Variants in CDH12 observed in about 807,000 individuals in gnomAD.
CDH12 encodes the protein cadherin-12.
Under a neutral mutation model 74.1 loss-of-function variants are expected in CDH12, and 41 were observed. That is an observed-to-expected ratio of 0.55 (90% CI 0.43 to 0.72). The LOEUF is 0.72. Ranked by LOEUF, CDH12 falls within the 30% of genes least tolerant of loss-of-function variation. The probability of loss-of-function intolerance (pLI) is 0.00; values close to 1 mark genes in which losing one functional copy is unlikely to be tolerated. For missense variants in CDH12, 945 were observed against 977.2 expected, an observed-to-expected ratio of 0.97 and a Z score of 0.44; for synonymous variants, 399 against 355.0, an observed-to-expected ratio of 1.12 and a Z score of -1.39.
chr5:22,384,551 A>G (rs1232595182), intron 3 of CDH12, among the ~76,000 whole-genome samples: 1 of 150,966 alleles, frequency 6.6e-6, no homozygotes, highest in Admixed American at 6.6e-5. Context: ...GAAAAAGAAA[A>G]AGAAAAGAAA....
chr5:22,290,667 G>A (rs184721567), intron 3 of CDH12, among the ~76,000 whole-genome samples: 1 of 152,216 alleles, frequency 6.6e-6, no homozygotes, highest in East Asian at 1.9e-4. Flanking sequence ...CACCAAAAGA[G>A]CAAATGATTG....
chr5:22,352,724 C>G lies in CDH12; in HGVS notation c.-333+52533G>C, dbSNP rs980711486. On this transcript the variant is annotated intron_variant, in intron 3 of 14. Transcript: ENST00000382254. ...TAATAGAAACACTGGAGGTGGAGCT[C>G]TCTTTGAAATAGTTAAGTGATCTGC... Among the ~76,000 whole-genome samples, 3 of 152,184 alleles carry G rather than the reference C, an allele frequency of 2.0e-5. 1 individual carries two copies. In the South Asian group the frequency reaches 6.2e-4, roughly 31 times the overall value.
chr5:22,741,480 TTTG>T (rs893199203), intron 1 of CDH12, among the ~76,000 whole-genome samples: 35 of 152,142 alleles, frequency 2.3e-4, no homozygotes, highest in Non-Finnish European at 3.7e-4. Context: ...AATGGTAAGT[TTTG>T]TTGTTGTTGT....
chr5:21,947,955 AG>A (rs1291005789), intron 6 of CDH12, among the ~76,000 whole-genome samples: 1 of 152,224 alleles, frequency 6.6e-6, no homozygotes, highest in Non-Finnish European at 1.5e-5. Context: ...GTTGATTCAG[AG>A]GGTGCAAGCC....
intron 10 of CDH12, among the ~76,000 whole-genome samples, chr5:21,793,517 C>T (rs1746618120): frequency 6.6e-6 from 1 of 151,510 alleles, no homozygotes; most frequent in South Asian, 2.1e-4. Flanking sequence ...TTTGAGAGAG[C>T]TTCATTATAA....
chr5:22,520,039 T>C (rs1192068548), intron 1 of CDH12, among the ~76,000 whole-genome samples: 1 of 152,076 alleles, frequency 6.6e-6, no homozygotes, highest in Non-Finnish European at 1.5e-5. Context: ...GAAAAAGCTA[T>C]AACCAAAGGA....
intron 1 of CDH12, among the ~76,000 whole-genome samples, chr5:22,745,815 G>A (rs911111147): frequency 1.3e-5 from 2 of 152,034 alleles, no homozygotes; most frequent in African/African-American, 4.8e-5. Flanking sequence ...TAATGGGTAC[G>A]AGGCTTAATA....
chr5:22,435,736 A>G (rs1392200154), intron 2 of CDH12, among the ~76,000 whole-genome samples: 1 of 151,894 alleles, frequency 6.6e-6, no homozygotes, highest in Non-Finnish European at 1.5e-5. Flanking sequence ...ACTTTCCTAA[A>G]CTGCTCCTAA....
At chr5:22,646,179 T>C (rs1331523693) in intron 1 of CDH12, among the ~76,000 whole-genome samples, 4 of 151,876 alleles carry the variant, frequency 2.6e-5, no homozygotes, top group Non-Finnish European at 5.9e-5. Context: ...GACTCATTGA[T>C]AATAAGAAAA....
intron 1 of CDH12, among the ~76,000 whole-genome samples, chr5:22,556,318 T>C (rs1179666100): frequency 1.3e-5 from 2 of 152,012 alleles, no homozygotes; most frequent in African/African-American, 4.8e-5. Context: ...AAGTGCAAAA[T>C]ATGTGTTAAA....
At chr5:22,231,908 T>G (rs981113735) in intron 3 of CDH12, among the ~76,000 whole-genome samples, 1 of 151,934 alleles carries the variant, frequency 6.6e-6, no homozygotes, top group African/African-American at 2.4e-5. Flanking sequence ...ATAAAGAATT[T>G]ACATTGTGCA....
At chr5:22,659,970 C>G (rs960800873) in intron 1 of CDH12, among the ~76,000 whole-genome samples, 2 of 151,966 alleles carry the variant, frequency 1.3e-5, no homozygotes, top group Non-Finnish European at 2.9e-5. Flanking sequence ...TATGTTCAAT[C>G]ATGTTCTTAT....
chr5:22,443,327 G>A (rs1377748965), intron 2 of CDH12, among the ~76,000 whole-genome samples: 1 of 152,086 alleles, frequency 6.6e-6, no homozygotes, highest in East Asian at 1.9e-4. Context: ...TTAGTAATTG[G>A]TAGCTGATTT....
At position 22,516,032 on chromosome 5, in the gene CDH12, A is replaced by T. The variant is rs77782915; in HGVS notation, c.-522-10668T>A. On this transcript the variant is annotated intron_variant, in intron 1 of 14. Coordinates refer to ENST00000382254, the MANE Select transcript of CDH12 (RefSeq NM_004061.5). ...AACTCATTAAACTGTTATTTAAAAAATAACATACACATGACTTAAACCCCA... is the reference window on the plus strand; with the variant it reads ...AACTCATTAAACTGTTATTTAAAAATTAACATACACATGACTTAAACCCCA... Among the ~76,000 whole-genome samples the T allele has an allele frequency of 8.8e-3, 1,342 of 152,248 alleles. 16 individuals carry two copies. Among genetic ancestry groups the T allele is most frequent in the African/African-American group, 0.03 (1,266 of 41,554 alleles).
In CDH12 at chr5:22,279,035, T is replaced by C. The variant is rs1282965305; in HGVS notation, c.-332-66392A>G. Among the ~76,000 whole-genome samples the C allele has an allele frequency of 8.5e-5, 13 of 152,232 alleles. No homozygotes were observed. In the East Asian group the frequency reaches 2.5e-3, roughly 29 times the overall value. On this transcript the variant is annotated intron_variant, in intron 3 of 14. Coordinates refer to ENST00000382254, the MANE Select transcript of CDH12 (RefSeq NM_004061.5). ...TAAAATAGCAGGCAAAACATACATA[T>C]ATAAATGTAACATATATTATATCCA...
At chr5:22,146,881 AT>A (rs1213945329) in intron 4 of CDH12, among the ~76,000 whole-genome samples, 3 of 152,244 alleles carry the variant, frequency 2.0e-5, no homozygotes, top group Non-Finnish European at 4.4e-5. Flanking sequence ...CTGAATGACT[AT>A]GTATTGTCTA....
chr5:22,812,770 T>C (rs1328415960), intron 1 of CDH12, among the ~76,000 whole-genome samples: 1 of 152,136 alleles, frequency 6.6e-6, no homozygotes, highest in Admixed American at 6.5e-5. Flanking sequence ...CTACAGTTCC[T>C]ATGTGAGTCA....
At chr5:22,709,735 T>C (rs1743198317) in intron 1 of CDH12, among the ~76,000 whole-genome samples, 1 of 152,218 alleles carries the variant, frequency 6.6e-6, no homozygotes, top group Admixed American at 6.5e-5. Flanking sequence ...CAGATTACTG[T>C]TGGAGTAAAG....
At chr5:22,718,360 G>T (rs774109399) in intron 1 of CDH12, among the ~76,000 whole-genome samples, 1 of 152,138 alleles carries the variant, frequency 6.6e-6, no homozygotes, top group Non-Finnish European at 1.5e-5. Flanking sequence ...TTACATAAAT[G>T]TGAAAAAGGT....
Sources: allele counts gnomAD v4.1 joint callset (sites outside exome capture counted in the v4.1 genomes callset), GRCh38; gene constraint gnomAD v4.1.1; transcripts MANE v1.5; gene names NCBI Gene and HGNC (gene_info 2026-07-23, HGNC 2026-07-21).